RARB: variants seen among roughly 807,000 people sequenced by gnomAD.
RARB encodes the protein retinoic acid receptor beta.
Under a neutral mutation model 51.9 loss-of-function variants are expected in RARB, and 17 were observed. The observed-to-expected ratio is 0.33, with a 90% confidence interval of 0.22 to 0.49. The LOEUF is 0.49. Ranked by LOEUF, RARB falls within the 20% of genes least tolerant of loss-of-function variation. The pLI is 0.99. For missense variants in RARB, 369 were observed against 550.8 expected, an observed-to-expected ratio of 0.67 and a Z score of 3.30; for synonymous variants, 215 against 195.4, an observed-to-expected ratio of 1.10 and a Z score of -0.84.
chr3:25,038,597 A>G (rs1053270813), intron 2 of RARB, among the ~76,000 whole-genome samples: 2 of 152,194 alleles, frequency 1.3e-5, no homozygotes, highest in African/African-American at 4.8e-5. Context: ...TAAAAATCAC[A>G]TAAAAGTGCA....
intron 5 of RARB, among the ~76,000 whole-genome samples, chr3:25,181,558 T>C (rs1482069817): frequency 1.3e-5 from 2 of 152,186 alleles, no homozygotes; most frequent in African/African-American, 2.4e-5. Context: ...CTGCAATGTA[T>C]GCGATAGTTG....
intron 1 of RARB, among the ~76,000 whole-genome samples, chr3:25,441,654 T>G (rs1708691639): frequency 1.3e-5 from 2 of 152,156 alleles, no homozygotes; most frequent in Admixed American, 1.3e-4. Context: ...TTTTATGAAT[T>G]TTTTTTAATG....
At chr3:24,962,727 G>T (rs566308741) in intron 2 of RARB, among the ~76,000 whole-genome samples, 1 of 152,164 alleles carries the variant, frequency 6.6e-6, no homozygotes, top group African/African-American at 2.4e-5. Flanking sequence ...ATCTGAGGTG[G>T]AACAGTTTCA....
At chr3:25,332,068 G>A (rs993973831) in intron 5 of RARB, among the ~76,000 whole-genome samples, 2 of 152,096 alleles carry the variant, frequency 1.3e-5, no homozygotes, top group Non-Finnish European at 2.9e-5. Flanking sequence ...AGGACCAGAC[G>A]GATTCACAGC....
chr3:24,835,938 A>T (rs1365029569), intron 1 of RARB, among the ~76,000 whole-genome samples: 1 of 152,186 alleles, frequency 6.6e-6, no homozygotes, highest in African/African-American at 2.4e-5. Context: ...CTGTCTCTTC[A>T]ACGTGGTTAC....
chr3:25,404,421 C>G (rs1707350598), intron 5 of RARB, among the ~76,000 whole-genome samples: 1 of 152,164 alleles, frequency 6.6e-6, no homozygotes, highest in African/African-American at 2.4e-5. Flanking sequence ...CCATTTTACC[C>G]AAGAGTTACT....
At chr3:25,094,716 C>CAAAAAAAAAAA (rs57477720) in intron 3 of RARB, among the ~76,000 whole-genome samples, 1 of 43,106 alleles carries the variant, frequency 2.3e-5, no homozygotes, top group Non-Finnish European at 3.9e-5. Context: ...GACCCCATCT[C>CAAAAAAAAAAA]AAAAAAAAAA....
At chr3:25,220,753 T>C (rs949758387) in intron 5 of RARB, among the ~76,000 whole-genome samples, 1 of 152,216 alleles carries the variant, frequency 6.6e-6, no homozygotes, top group Non-Finnish European at 1.5e-5. Context: ...TAAATCTCTT[T>C]CCTTTATAAA....
intron 5 of RARB, among the ~76,000 whole-genome samples, chr3:25,322,584 A>T (rs1400772607): frequency 6.6e-6 from 1 of 152,122 alleles, no homozygotes; most frequent in Admixed American, 6.6e-5. Flanking sequence ...TACAAACAAA[A>T]TTTTTTACTA....
intron 4 of RARB, among the ~76,000 whole-genome samples, chr3:25,137,236 C>G (rs2125335586): frequency 6.6e-6 from 1 of 152,110 alleles, no homozygotes; most frequent in African/African-American, 2.4e-5. Flanking sequence ...ACTTTAAGAA[C>G]TTAAAGTTGA....
rs142632408 is a variant in RARB, at chr3:24,998,273, G to A, written c.-379-61852G>A. Among the ~76,000 whole-genome samples the A allele has an allele frequency of 5.7e-3, 669 of 117,794 alleles. 2 individuals are homozygous for A. The highest frequency in any genetic ancestry group is 0.017 in the African/African-American group (651 of 37,862). The allele number at this position is 117,794 out of a possible 152,430, so 77.3% of individuals were successfully genotyped here. On this transcript the variant is annotated intron_variant, in intron 2 of 11. Coordinates refer to the RARB transcript ENST00000383772. ...GTGGTTCACGGCCTTTTGACTTGTA[G>A]TTTGTTTTTTTTTTTTTCTTTGGAG... is the stretch of plus-strand genomic sequence containing the variant.
At chr3:25,109,285 T>A (rs951780707) in intron 3 of RARB, among the ~76,000 whole-genome samples, 1 of 152,184 alleles carries the variant, frequency 6.6e-6, no homozygotes, top group Non-Finnish European at 1.5e-5. Flanking sequence ...ACCTTTGCAT[T>A]TTTTGGTTTT....
At chr3:25,358,197 TC>T (rs1705810511) in intron 5 of RARB, among the ~76,000 whole-genome samples, 1 of 152,220 alleles carries the variant, frequency 6.6e-6, no homozygotes, top group African/African-American at 2.4e-5. Flanking sequence ...GTCCTTCACA[TC>T]CCATGTAAGT....
chr3:24,832,628 A>AATATATATATAT (rs10526610), intron 1 of RARB, among the ~76,000 whole-genome samples: 1,558 of 88,348 alleles, frequency 0.018, 109 homozygotes, highest in African/African-American at 0.065. Context: ...ATTGAGTCCC[A>AATATATATATAT]ATATATATAT....
At chr3:25,230,776 T>C (rs989480233) in intron 5 of RARB, among the ~76,000 whole-genome samples, 3 of 152,106 alleles carry the variant, frequency 2.0e-5, no homozygotes, top group Admixed American at 1.3e-4. Flanking sequence ...TTCACTGTTA[T>C]AGTGCTGTTC....
At chr3:25,429,506 A>C (rs541329901) in intron 1 of RARB, among the ~76,000 whole-genome samples, 1 of 152,324 alleles carries the variant, frequency 6.6e-6, no homozygotes, top group Non-Finnish European at 1.5e-5. Flanking sequence ...CCACCTTTCC[A>C]AGTCACTTTG....
At chr3:25,250,802 G>A (rs939632302) in intron 5 of RARB, among the ~76,000 whole-genome samples, 1 of 152,152 alleles carries the variant, frequency 6.6e-6, no homozygotes, top group Non-Finnish European at 1.5e-5. Context: ...GCTGTCATGT[G>A]ATCTTCAGGC....
intron 2 of RARB, among the ~76,000 whole-genome samples, chr3:25,009,876 G>C (rs972656684): frequency 5.9e-5 from 9 of 152,066 alleles, no homozygotes; most frequent in Admixed American, 3.9e-4. Flanking sequence ...CAAGCAGGAA[G>C]GAAGGGATAA....
chr3:24,942,391 T>C (rs1695685931), intron 2 of RARB, among the ~76,000 whole-genome samples: 1 of 152,190 alleles, frequency 6.6e-6, no homozygotes, highest in South Asian at 2.1e-4. Flanking sequence ...CTAATTCATA[T>C]GTAAGGAAAT....
Sources: allele counts gnomAD v4.1 joint callset (sites outside exome capture counted in the v4.1 genomes callset), GRCh38; gene constraint gnomAD v4.1.1; transcripts MANE v1.5; gene names NCBI Gene and HGNC (gene_info 2026-07-23, HGNC 2026-07-21).